Variants in PPP3CA observed in about 807,000 individuals in gnomAD.
PPP3CA encodes the protein protein phosphatase 3 catalytic subunit alpha, also known as CAM-PRP catalytic subunit.
In PPP3CA, 14 loss-of-function variants were observed where a neutral mutation model predicts 66.5. The ratio of observed to expected loss-of-function variants is 0.21; its 90% CI spans 0.14 to 0.33. The LOEUF (loss-of-function observed/expected upper bound fraction) is 0.33. PPP3CA is among the 10% of genes least tolerant of loss of function. The probability of loss-of-function intolerance (pLI) is 1.00; values close to 1 mark genes in which losing one functional copy is unlikely to be tolerated. For missense variants in PPP3CA, 317 were observed against 639.5 expected, an observed-to-expected ratio of 0.50 and a Z score of 5.44; for synonymous variants, 232 against 226.2, an observed-to-expected ratio of 1.03 and a Z score of -0.23.
At chr4:101,063,796 C>T (rs1330152869) in intron 8 of PPP3CA, among the ~76,000 whole-genome samples, 1 of 151,770 alleles carries the variant, frequency 6.6e-6, no homozygotes, top group Admixed American at 6.6e-5. Context: ...AACAGTTGTA[C>T]AAAATAGTTT....
At chr4:101,213,698 T>C (rs1725374157) in intron 1 of PPP3CA, among the ~76,000 whole-genome samples, 1 of 152,150 alleles carries the variant, frequency 6.6e-6, no homozygotes, top group Middle Eastern at 3.2e-3. Flanking sequence ...GTTCGTTTTA[T>C]AGATTAAGAG....
intron 2 of PPP3CA, chr4:101,158,243 C>G (rs1002391664): frequency 1.3e-5 from 2 of 152,340 alleles, no homozygotes; most frequent in Middle Eastern, 3.4e-3. Flanking sequence ...CTGGCCTGCT[C>G]CTGGTGCATC....
chr4:101,299,056 A>G (rs980585159), intron 1 of PPP3CA, among the ~76,000 whole-genome samples: 9 of 151,826 alleles, frequency 5.9e-5, no homozygotes, highest in Admixed American at 1.3e-4. Flanking sequence ...GCTGAATATC[A>G]ATAATTTCTC....
chr4:101,222,351 T>TA (rs1424771412), intron 1 of PPP3CA, among the ~76,000 whole-genome samples: 1 of 151,638 alleles, frequency 6.6e-6, no homozygotes, highest in Non-Finnish European at 1.5e-5. Flanking sequence ...TCTCAGTTTG[T>TA]AAAACTTTCC....
intron 3 of PPP3CA, among the ~76,000 whole-genome samples, chr4:101,102,494 G>T (rs1007543865): frequency 6.6e-6 from 1 of 152,142 alleles, no homozygotes; most frequent in African/African-American, 2.4e-5. Context: ...CACAAAGGCA[G>T]CCAATATGGA....
At chr4:101,042,938 G>C (rs1279790680) in intron 10 of PPP3CA, among the ~76,000 whole-genome samples, 1 of 149,550 alleles carries the variant, frequency 6.7e-6, no homozygotes, top group Non-Finnish European at 1.5e-5. Flanking sequence ...ACTACTCTAT[G>C]TTTAAAATTC....
intron 10 of PPP3CA, among the ~76,000 whole-genome samples, chr4:101,049,485 ATAAATC>A (rs1203955066): frequency 6.6e-6 from 1 of 152,144 alleles, no homozygotes; most frequent in Non-Finnish European, 1.5e-5. Flanking sequence ...ACAAAAAGGA[ATAAATC>A]TAAATTTAAT....
chr4:101,134,543 G>C (rs1160595941), intron 2 of PPP3CA, among the ~76,000 whole-genome samples: 1 of 152,178 alleles, frequency 6.6e-6, no homozygotes, highest in Non-Finnish European at 1.5e-5. Flanking sequence ...TCTCACGCCA[G>C]TTAGAATGGC....
chr4:101,276,498 G>A (rs1423415440), intron 1 of PPP3CA, among the ~76,000 whole-genome samples: 1 of 152,068 alleles, frequency 6.6e-6, no homozygotes, highest in Non-Finnish European at 1.5e-5. Context: ...CTTTTACACT[G>A]AATGTTTTTC....
At chr4:101,137,633 C>A (rs1457299085) in intron 2 of PPP3CA, among the ~76,000 whole-genome samples, 1 of 152,130 alleles carries the variant, frequency 6.6e-6, no homozygotes, top group African/African-American at 2.4e-5. Flanking sequence ...AAGAGCTGAG[C>A]ACCCACTCTC....
intron 10 of PPP3CA, among the ~76,000 whole-genome samples, chr4:101,044,679 G>A (rs74351276): frequency 0.087 from 13,191 of 151,818 alleles, 773 homozygotes; most frequent in Middle Eastern, 0.15. Context: ...CTTCTTTTAT[G>A]CCTAGGGTAT....
intron 10 of PPP3CA, among the ~76,000 whole-genome samples, chr4:101,058,307 ATAAAT>A (rs1475300527): frequency 1.3e-5 from 2 of 152,208 alleles, no homozygotes; most frequent in African/African-American, 4.8e-5. Context: ...CTAAGCAGAA[ATAAAT>A]TAAAGCAGAA....
intron 1 of PPP3CA, among the ~76,000 whole-genome samples, chr4:101,270,062 G>A (rs956339341): frequency 6.6e-5 from 10 of 152,234 alleles, no homozygotes; most frequent in African/African-American, 2.4e-4. Flanking sequence ...CACATGCTTT[G>A]AAGGATGCTT....
chr4:101,029,252 A>G, intron 12 of PPP3CA, 57 bp from the exon 13 acceptor site: 1 of 1,471,944 alleles, frequency 6.8e-7, no homozygotes, highest in South Asian at 1.1e-5. Flanking sequence ...AGGATTTTTT[A>G]ACTCTAAGAA....
At chr4:101,324,167 A>AGGAG (rs1729134968) in intron 1 of PPP3CA, among the ~76,000 whole-genome samples, 1 of 103,902 alleles carries the variant, frequency 9.6e-6, no homozygotes, top group African/African-American at 3.9e-5. Flanking sequence ...GAAGGAAGGA[A>AGGAG]GGAAGGAAGG....
chr4:101,266,502 C>T (rs1323123826), intron 1 of PPP3CA, among the ~76,000 whole-genome samples: 1 of 152,158 alleles, frequency 6.6e-6, no homozygotes, highest in Non-Finnish European at 1.5e-5. Flanking sequence ...TAATCTTTCT[C>T]ATTTAAAATC....
chr4:101,170,531 G>A (rs1183507066), intron 2 of PPP3CA, among the ~76,000 whole-genome samples: 6 of 151,870 alleles, frequency 4.0e-5, no homozygotes, highest in Non-Finnish European at 8.8e-5. Context: ...GTTAAGGGCT[G>A]GGAAAGAATA....
intron 2 of PPP3CA, among the ~76,000 whole-genome samples, chr4:101,179,583 T>A (rs1468137086): frequency 2.0e-5 from 3 of 152,074 alleles, no homozygotes; most frequent in Admixed American, 6.6e-5. Flanking sequence ...TATCTGATGT[T>A]TAAAGAGGTG....
At chr4:101,061,716 A>G (rs1413630500) in intron 9 of PPP3CA, among the ~76,000 whole-genome samples, 1 of 152,114 alleles carries the variant, frequency 6.6e-6, no homozygotes, top group Non-Finnish European at 1.5e-5. Context: ...TTTGATTTTC[A>G]AAAATGCTTA....
Sources: allele counts gnomAD v4.1 joint callset (sites outside exome capture counted in the v4.1 genomes callset), GRCh38; gene constraint gnomAD v4.1.1; transcripts MANE v1.5; gene names NCBI Gene and HGNC (gene_info 2026-07-23, HGNC 2026-07-21).